Variants in CCNY observed in about 807,000 individuals in gnomAD.
CCNY encodes cyclin-Y.
In CCNY, 19 loss-of-function variants were observed where a neutral mutation model predicts 42.8. The ratio of observed to expected loss-of-function variants is 0.44; its 90% CI spans 0.31 to 0.65. The LOEUF is 0.65. Ranked by LOEUF, CCNY falls within the 30% of genes least tolerant of loss-of-function variation. The pLI is 0.07. For missense variants in CCNY, 370 were observed against 437.3 expected (o/e 0.85, Z 1.37); for synonymous variants, 165 against 162.7 (o/e 1.01, Z -0.11).
chr10:35,405,026 A>AGG (rs897977857), intron 1 of CCNY, among the ~76,000 whole-genome samples: 1 of 152,134 alleles, frequency 6.6e-6, no homozygotes, highest in African/African-American at 2.4e-5. Flanking sequence ...GGGGTTGTGG[A>AGG]GGGAGGTATT....
At chr10:35,539,982 T>G (rs1435354328) in intron 7 of CCNY, among the ~76,000 whole-genome samples, 2 of 152,216 alleles carry the variant, frequency 1.3e-5, no homozygotes, top group Non-Finnish European at 2.9e-5. Flanking sequence ...AGTAGATTCT[T>G]TAGAATGTTA....
At chr10:35,477,354 A>G (rs1839538720) in intron 1 of CCNY, among the ~76,000 whole-genome samples, 1 of 151,134 alleles carries the variant, frequency 6.6e-6, no homozygotes, top group East Asian at 1.9e-4. Flanking sequence ...TTTTAGACCA[A>G]TATCCTTGAT....
intron 1 of CCNY, among the ~76,000 whole-genome samples, chr10:35,381,507 G>C (rs536030210): frequency 5.3e-5 from 8 of 151,794 alleles, no homozygotes; most frequent in African/African-American, 1.9e-4. Context: ...TGGAGGTTGC[G>C]GTGAGCTGAG....
intron 4 of CCNY, among the ~76,000 whole-genome samples, chr10:35,523,260 A>T (rs1425504454): frequency 6.6e-6 from 1 of 152,208 alleles, no homozygotes; most frequent in African/African-American, 2.4e-5. Flanking sequence ...CCACAAAGAT[A>T]TGAAAGGACC....
At chr10:35,400,625 A>G (rs1418224809) in intron 1 of CCNY, among the ~76,000 whole-genome samples, 1 of 152,174 alleles carries the variant, frequency 6.6e-6, no homozygotes, top group Non-Finnish European at 1.5e-5. Context: ...AGAGTTATCT[A>G]CTGTTCGTTA....
intron 1 of CCNY, among the ~76,000 whole-genome samples, chr10:35,455,663 TTC>T (rs1839012599): frequency 1.3e-5 from 2 of 152,120 alleles, no homozygotes; most frequent in Admixed American, 1.3e-4. Context: ...CTCTCCCCTT[TTC>T]TCTCTGGGTC....
intron 2 of CCNY, among the ~76,000 whole-genome samples, chr10:35,488,036 C>G (rs1260861302): frequency 1.3e-5 from 2 of 152,066 alleles, no homozygotes; most frequent in African/African-American, 4.8e-5. Context: ...CATCTTTTTC[C>G]TTTTAATTAG....
At chr10:35,273,419 G>A (rs1032818208) in intron 3 of CCNY, among the ~76,000 whole-genome samples, 1 of 151,924 alleles carries the variant, frequency 6.6e-6, no homozygotes, top group Non-Finnish European at 1.5e-5. Flanking sequence ...TGGCCAGGCT[G>A]GTCTTGAACT....
intron 3 of CCNY, among the ~76,000 whole-genome samples, chr10:35,261,922 A>G (rs1053418710): frequency 4.7e-5 from 7 of 149,304 alleles, no homozygotes; most frequent in African/African-American, 1.7e-4. Context: ...TTGGGAGGCT[A>G]AGGCAAGAGA....
At chr10:35,495,239 C>G (rs1164479313) in intron 2 of CCNY, among the ~76,000 whole-genome samples, 1 of 152,130 alleles carries the variant, frequency 6.6e-6, no homozygotes, top group African/African-American at 2.4e-5. Flanking sequence ...TTATATGGCT[C>G]TGTATTTTCC....
At chr10:35,408,491 G>A (rs553569580) in intron 1 of CCNY, among the ~76,000 whole-genome samples, 8 of 151,586 alleles carry the variant, frequency 5.3e-5, no homozygotes, top group Admixed American at 5.3e-4. Flanking sequence ...GGTGGATCTC[G>A]CACATTCTCA....
At chr10:35,469,839 G>A (rs762617947) in intron 1 of CCNY, among the ~76,000 whole-genome samples, 5 of 150,816 alleles carry the variant, frequency 3.3e-5, no homozygotes, top group Admixed American at 2.0e-4. Flanking sequence ...GAGACAGGGC[G>A]ATGGAGAGAC....
chr10:35,451,255 G>A (rs1838909430), intron 1 of CCNY, among the ~76,000 whole-genome samples: 1 of 152,184 alleles, frequency 6.6e-6, no homozygotes. Context: ...CAAGTTAAGA[G>A]TCAGAGAAGG....
intron 1 of CCNY, among the ~76,000 whole-genome samples, chr10:35,373,668 T>C (rs1229485739): frequency 1.3e-5 from 2 of 152,220 alleles, no homozygotes; most frequent in Non-Finnish European, 1.5e-5. Context: ...CACTTTCACT[T>C]AATGAATAGT....
At chr10:35,476,191 C>G (rs1323321178) in intron 1 of CCNY, among the ~76,000 whole-genome samples, 1 of 152,146 alleles carries the variant, frequency 6.6e-6, no homozygotes, top group East Asian at 1.9e-4. Context: ...TAATGGGAGA[C>G]TTTAACACCC....
At chr10:35,517,287 A>G (rs753211618) in intron 4 of CCNY, among the ~76,000 whole-genome samples, 1 of 152,198 alleles carries the variant, frequency 6.6e-6, no homozygotes, top group Non-Finnish European at 1.5e-5. Flanking sequence ...GGGAGGGAAC[A>G]CTGGTTTTTC....
intron 1 of CCNY, among the ~76,000 whole-genome samples, chr10:35,406,708 C>T (rs1391570161): frequency 6.6e-6 from 1 of 152,184 alleles, no homozygotes; most frequent in Non-Finnish European, 1.5e-5. Context: ...ACAAAACTGC[C>T]ACTGTCATCA....
intron 1 of CCNY, chr10:35,347,562 T>A (rs1463991308): frequency 3.3e-6 from 1 of 306,420 alleles, no homozygotes; most frequent in Non-Finnish European, 4.8e-6. Context: ...CTGTTCTTGG[T>A]GGTCAATAAG....
intron 3 of CCNY, among the ~76,000 whole-genome samples, chr10:35,285,824 T>C (rs1370650641): frequency 6.6e-6 from 1 of 151,982 alleles, no homozygotes; most frequent in East Asian, 1.9e-4. Flanking sequence ...GTTTTTGTTT[T>C]TGTTTGAGAT....
Sources: gnomAD v4.1 joint callset for allele counts (sites outside exome capture counted in the v4.1 genomes callset) on GRCh38, gnomAD v4.1.1 for gene constraint, MANE v1.5 for transcripts, NCBI Gene and HGNC (gene_info 2026-07-23, HGNC 2026-07-21) for gene names.